WHRN: variants seen among roughly 807,000 people sequenced by gnomAD.
WHRN encodes CASK-interacting protein CIP98.
WHRN carries 41 observed loss-of-function variants against 68.3 expected under a neutral mutation model. That is an observed-to-expected ratio of 0.60 (90% CI 0.47 to 0.78). WHRN has a LOEUF of 0.78. WHRN is among the 30% of genes least tolerant of loss of function. WHRN has a pLI of 0.00. For missense variants in WHRN, 1,243 were observed against 1,244.7 expected, an observed-to-expected ratio of 1.00 and a Z score of 0.02; for synonymous variants, 560 against 561.3, an observed-to-expected ratio of 1.00 and a Z score of 0.03.
chr9:114,505,392 C>G lies in WHRN; in HGVS notation c.-591G>C, dbSNP rs1844306451. ...GTCCGGGGCAGCCCCGGGATGCAGC[C>G]GCCCGGGGAGCCTCCGCGCCTCTGC... On this transcript the variant is annotated 5_prime_UTR_variant, in exon 1 of 12. Transcript: ENST00000362057. 1 of 139,308 alleles carries G rather than the reference C, an allele frequency of 7.2e-6. No homozygotes were observed. The highest frequency in any genetic ancestry group is 1.6e-5 in the Non-Finnish European group (1 of 61,978). 8.6% of individuals were successfully genotyped at this position (139,308 alleles called of 1,614,324 possible). A position where few individuals can be genotyped will look rare whatever the true frequency, so the allele number is the denominator to read the frequency against.
Position 114,466,314 on chromosome 9 carries a change from T to C in WHRN, c.916A>G (p.Ile306Val). ...TCAGAGCCTGGGTCCACGCCAGTGA[T>C]GTAAATGCCAAGGCCGTACTCAGCT... ...GGAEYGLGIYITGVDPGSEAE... is the reference protein window; with the variant it reads ...GGAEYGLGIYVTGVDPGSEAE... The change falls in exon 3 of 12, where the codon ATC becomes GTC. Residue 306 changes from isoleucine to valine, a missense_variant. By Grantham distance (29) the Ile-to-Val change is conservative. Transcript: ENST00000362057. 3 of 1,614,112 alleles carry C rather than the reference T, an allele frequency of 1.9e-6. No homozygotes were observed. Among genetic ancestry groups the C allele is most frequent in the South Asian group, 2.2e-5 (2 of 91,086 alleles).
In WHRN at chr9:114,406,750, G is replaced by A. The variant is rs1835064080; in HGVS notation, c.1841C>T (p.Pro614Leu). Residue 614 changes from proline to leucine, a missense_variant, in exon 9 of 12, where the codon CCT (proline) becomes CTT (leucine). Coordinates refer to ENST00000362057, the MANE Select transcript of WHRN (RefSeq NM_015404.4). ...CGAGAAGACAGTGCCCGAGCAGGAA[G>A]GCATGGAGGAAGGTGGCTGGAGGTC... is the stretch of plus-strand genomic sequence containing the variant. ...REDLQPPSSMPSCSGTVFSAP... is the reference protein window; with the variant it reads ...REDLQPPSSMLSCSGTVFSAP... The A allele has an allele frequency of 6.2e-7, 1 of 1,614,078 alleles. No individual in the cohort carries two copies. Among genetic ancestry groups the A allele is most frequent in the Admixed American group, 1.7e-5 (1 of 60,014 alleles).
rs776366988 is a variant in WHRN, at chr9:114,423,421, G to A, written c.1519C>T (p.Gln507Ter). 5 of 1,614,124 alleles carry A rather than the reference G, an allele frequency of 3.1e-6. No homozygotes were observed. The South Asian group carries it at 5.5e-5, about 18-fold the overall frequency. The stretch of plus-strand genomic sequence containing the variant: ...TCCCCAGCCCCGGGGCCTGGGGGCT[G>A]CCGCGCCTTCATGGACTCAATCTCA... ...RREIESMKAR[Q>*]PPGPGAGDTY... Residue 507 changes from glutamine (Q) to a stop codon, truncating the protein, a stop_gained, in exon 7 of 12, where the codon CAG becomes TAG. Coordinates refer to ENST00000362057, the MANE Select transcript of WHRN (RefSeq NM_015404.4). LOFTEE classifies it high-confidence loss of function.
intron 1 of WHRN, among the ~76,000 whole-genome samples, chr9:114,490,062 T>G (rs971473672): frequency 6.6e-6 from 1 of 152,230 alleles, no homozygotes; most frequent in African/African-American, 2.4e-5. Context: ...TGTGTGCTCA[T>G]CAGGGAGCCA....
At chr9:114,497,574 C>G (rs1470843266) in intron 1 of WHRN, among the ~76,000 whole-genome samples, 3 of 151,252 alleles carry the variant, frequency 2.0e-5, no homozygotes, top group Non-Finnish European at 4.4e-5. Context: ...GAAGATATAT[C>G]TCACCCAAAA....
intron 3 of WHRN, among the ~76,000 whole-genome samples, chr9:114,446,862 G>T (rs1253759822): frequency 1.3e-5 from 2 of 152,016 alleles, no homozygotes; most frequent in African/African-American, 4.8e-5. Context: ...GGAGCTCTTG[G>T]AAAAGCTGTT....
intron 1 of WHRN, among the ~76,000 whole-genome samples, chr9:114,501,022 C>T (rs1382234482): frequency 6.6e-6 from 1 of 152,108 alleles, no homozygotes; most frequent in African/African-American, 2.4e-5. Flanking sequence ...TAGCACATAC[C>T]AAGCAAATCA....
intron 3 of WHRN, among the ~76,000 whole-genome samples, chr9:114,453,234 G>A (rs1028803979): frequency 6.6e-6 from 1 of 152,132 alleles, no homozygotes; most frequent in Non-Finnish European, 1.5e-5. Flanking sequence ...CACAAGGTGA[G>A]AGAAGGAGTA....
intron 1 of WHRN, among the ~76,000 whole-genome samples, chr9:114,496,717 G>A (rs1843492834): frequency 6.6e-6 from 1 of 152,244 alleles, no homozygotes; most frequent in Non-Finnish European, 1.5e-5. Context: ...GGCCAGGTTT[G>A]GTGGTAGGAT....
chr9:114,468,274 A>C (rs926597973), intron 2 of WHRN, among the ~76,000 whole-genome samples: 5 of 152,210 alleles, frequency 3.3e-5, no homozygotes, highest in African/African-American at 4.8e-5. Context: ...AGTATGAGCT[A>C]CTGTTGGTTC....
intron 3 of WHRN, among the ~76,000 whole-genome samples, chr9:114,434,614 A>G (rs1366229272): frequency 2.0e-5 from 3 of 152,020 alleles, no homozygotes; most frequent in South Asian, 2.1e-4. Flanking sequence ...ATCAAGCCCA[A>G]TGCATTTTAC....
At chr9:114,467,955 C>T (rs1392263087) in intron 2 of WHRN, among the ~76,000 whole-genome samples, 1 of 152,182 alleles carries the variant, frequency 6.6e-6, no homozygotes, top group Non-Finnish European at 1.5e-5. Flanking sequence ...AACCAGATTT[C>T]TATTTCGGAA....
intron 3 of WHRN, among the ~76,000 whole-genome samples, chr9:114,429,534 A>G (rs1589121132): frequency 6.6e-6 from 1 of 152,302 alleles, no homozygotes; most frequent in East Asian, 1.9e-4. Flanking sequence ...CCATGCCCCC[A>G]GCAATATCTG....
At chr9:114,431,491 T>A (rs1402519507) in intron 3 of WHRN, among the ~76,000 whole-genome samples, 1 of 152,186 alleles carries the variant, frequency 6.6e-6, no homozygotes, top group Admixed American at 6.5e-5. Context: ...TATGCCACCT[T>A]CACCCCAGCA....
chr9:114,436,135 C>T (rs932189399), intron 3 of WHRN, among the ~76,000 whole-genome samples: 19 of 152,200 alleles, frequency 1.2e-4, no homozygotes, highest in African/African-American at 4.3e-4. Context: ...GAAAAGGCTA[C>T]ACACTGCATG....
intron 3 of WHRN, among the ~76,000 whole-genome samples, chr9:114,450,823 GT>G (rs1554725555): frequency 0.072 from 10,253 of 142,188 alleles, 977 homozygotes; most frequent in African/African-American, 0.23. Context: ...ATTATTATTA[GT>G]TTCCCCCCCC....
intron 3 of WHRN, among the ~76,000 whole-genome samples, chr9:114,450,403 G>T (rs1297017623): frequency 6.6e-6 from 1 of 152,104 alleles, no homozygotes; most frequent in Non-Finnish European, 1.5e-5. Context: ...CCCCTAGCCT[G>T]GGAGGAAGGC....
intron 2 of WHRN, among the ~76,000 whole-genome samples, chr9:114,469,765 T>C (rs9299217): frequency 0.98 from 149,671 of 152,374 alleles, 73,551 homozygotes; most frequent in East Asian, 1. Context: ...AAGAGCAACA[T>C]AGATTTGTTA....
chr9:114,436,759 G>A (rs527751812), intron 3 of WHRN, among the ~76,000 whole-genome samples: 21 of 152,208 alleles, frequency 1.4e-4, no homozygotes, highest in Non-Finnish European at 2.8e-4. Context: ...AACCTGGGAG[G>A]CAGAGGCTGT....
Sources: allele counts gnomAD v4.1 joint callset (sites outside exome capture counted in the v4.1 genomes callset), GRCh38; gene constraint gnomAD v4.1.1; transcripts MANE v1.5; gene names NCBI Gene and HGNC (gene_info 2026-07-23, HGNC 2026-07-21).